LDB2: variants seen among roughly 807,000 people sequenced by gnomAD.
The protein encoded by LDB2 is LIM domain-binding protein 2.
In LDB2, 12 loss-of-function variants were observed where a neutral mutation model predicts 44.3. The ratio of observed to expected loss-of-function variants is 0.27; its 90% CI spans 0.17 to 0.44. The LOEUF (loss-of-function observed/expected upper bound fraction) is 0.44. LDB2 is among the 20% of genes least tolerant of loss of function. LDB2 has a pLI of 1.00. For synonymous variants in LDB2, 164 were observed against 174.8 expected (o/e 0.94, Z 0.49); for missense variants, 344 against 473.5 (o/e 0.73, Z 2.54).
chr4:16,750,249 C>T (rs2109098711), intron 2 of LDB2, among the ~76,000 whole-genome samples: 1 of 152,352 alleles, frequency 6.6e-6, no homozygotes, highest in East Asian at 1.9e-4. Flanking sequence ...TTTGCTTGCA[C>T]TACTCTTACA....
At chr4:16,667,213 C>T (rs1743505708) in intron 2 of LDB2, among the ~76,000 whole-genome samples, 1 of 152,146 alleles carries the variant, frequency 6.6e-6, no homozygotes. Context: ...GAACTAGTAT[C>T]TTCCAGAACC....
At chr4:16,565,566 A>G (rs1368738133) in intron 5 of LDB2, among the ~76,000 whole-genome samples, 4 of 152,084 alleles carry the variant, frequency 2.6e-5, no homozygotes, top group Admixed American at 2.0e-4. Context: ...CATTCCTATT[A>G]AAGTCAGACA....
At position 16,690,503 on chromosome 4, in the gene LDB2, GA is replaced by G. The variant is rs1337470327; in HGVS notation, c.235+68654del. 5.9e-3 allele frequency among the ~76,000 whole-genome samples: 83 copies of G among 14,158 alleles called. 2 individuals carry two copies. Among genetic ancestry groups the G allele is most frequent in the Non-Finnish European group, 0.013 (54 of 4,238 alleles). The allele number at this position is 14,158 out of a possible 152,430, so 9.3% of individuals were successfully genotyped here. A position where few individuals can be genotyped will look rare whatever the true frequency, so the allele number is the denominator to read the frequency against. ...GAAGGGAGGGAGGGAGGGAGGGAGG[GA>G]GGGAGGGAGGGAGGGGGGAGGGAGG... is the stretch of plus-strand genomic sequence containing the variant. On this transcript the variant is annotated intron_variant, in intron 2 of 7. Transcript: ENST00000304523.
chr4:16,588,926 G>C, intron 3 of LDB2, 94 bp from the exon 4 acceptor site: 1 of 1,363,608 alleles, frequency 7.3e-7, no homozygotes, highest in Non-Finnish European at 1.0e-6. Flanking sequence ...CTCCCTTTCT[G>C]TCCTTGGGCA....
intron 1 of LDB2, among the ~76,000 whole-genome samples, chr4:16,816,728 T>C (rs756902928): frequency 3.9e-4 from 60 of 152,290 alleles, no homozygotes; most frequent in Admixed American, 5.9e-4. Context: ...TTATTTTCTC[T>C]GACAACAGCT....
At chr4:16,809,489 T>G (rs1779391323) in intron 1 of LDB2, among the ~76,000 whole-genome samples, 1 of 152,192 alleles carries the variant, frequency 6.6e-6, no homozygotes, top group African/African-American at 2.4e-5. Flanking sequence ...GCACAATTAC[T>G]ATACACTAAG....
intron 1 of LDB2, among the ~76,000 whole-genome samples, chr4:16,823,225 A>G (rs943533341): frequency 6.6e-6 from 1 of 152,230 alleles, no homozygotes; most frequent in African/African-American, 2.4e-5. Context: ...CTCATTTTAC[A>G]GATCAGAGTA....
At chr4:16,511,000 GA>G in intron 6 of LDB2, among the ~76,000 whole-genome samples, 1 of 152,170 alleles carries the variant, frequency 6.6e-6, no homozygotes, top group African/African-American at 2.4e-5. Flanking sequence ...TAATATATTT[GA>G]AAAATAATAT....
At chr4:16,747,659 C>A (rs1764665630) in intron 2 of LDB2, among the ~76,000 whole-genome samples, 2 of 152,134 alleles carry the variant, frequency 1.3e-5, no homozygotes, top group Admixed American at 6.6e-5. Context: ...CATCTCTCAG[C>A]TAGCTAACTT....
At chr4:16,549,936 G>GCAAGT (rs1317675152) in intron 5 of LDB2, among the ~76,000 whole-genome samples, 7 of 152,198 alleles carry the variant, frequency 4.6e-5, no homozygotes, top group African/African-American at 7.2e-5. Flanking sequence ...CAAGTGGTGT[G>GCAAGT]CAAGTCACCT....
rs188044071 is a variant in LDB2, at chr4:16,865,911, G to T, written c.132+32443C>A. Among the ~76,000 whole-genome samples, 147 of 152,136 alleles carry T rather than the reference G, an allele frequency of 9.7e-4. 2 individuals are homozygous for T. Among genetic ancestry groups the T allele is most frequent in the Non-Finnish European group, 1.5e-3 (100 of 68,004 alleles). ...AATATTCTTCCCCAAACCTTCACAGGGTTCCTGCCTCAGCTTCCTGCACGC... is the reference window on the plus strand; with the variant it reads ...AATATTCTTCCCCAAACCTTCACAGTGTTCCTGCCTCAGCTTCCTGCACGC... On this transcript the variant is annotated intron_variant, in intron 1 of 7. Coordinates refer to ENST00000304523, the MANE Select transcript of LDB2 (RefSeq NM_001290.5).
At chr4:16,610,246 A>C (rs1335683501) in intron 2 of LDB2, among the ~76,000 whole-genome samples, 1 of 152,086 alleles carries the variant, frequency 6.6e-6, no homozygotes, top group East Asian at 1.9e-4. Flanking sequence ...CAAACTCACC[A>C]AGATGAGAAA....
chr4:16,840,678 G>A (rs774577173), intron 1 of LDB2, among the ~76,000 whole-genome samples: 9 of 152,164 alleles, frequency 5.9e-5, no homozygotes, highest in Middle Eastern at 3.2e-3. Flanking sequence ...GACCTTGGAC[G>A]ACTTATTTTG....
rs368488633 is a variant in LDB2, at chr4:16,674,789, A to G, written c.236-78914T>C. On this transcript the variant is annotated intron_variant, in intron 2 of 7. Transcript: ENST00000304523. ...AAAGAAAGAAAAATCTACCGAAAGC[A>G]CACACACACACACACACATATACAC... 8.9e-3 allele frequency among the ~76,000 whole-genome samples: 282 copies of G among 31,612 alleles called. 2 individuals are homozygous for G. The highest frequency in any genetic ancestry group is 0.03 in the African/African-American group (267 of 9,002). 20.7% of individuals were successfully genotyped at this position (31,612 alleles called of 152,430 possible). A position where few individuals can be genotyped will look rare whatever the true frequency, so the allele number is the denominator to read the frequency against.
chr4:16,662,151 G>T (rs2152541690), intron 2 of LDB2, among the ~76,000 whole-genome samples: 1 of 152,246 alleles, frequency 6.6e-6, no homozygotes, highest in Middle Eastern at 3.4e-3. Context: ...CCTTTGAATA[G>T]CTTGGTTTCT....
intron 6 of LDB2, among the ~76,000 whole-genome samples, chr4:16,510,145 CA>C (rs1286262139): frequency 6.6e-6 from 1 of 151,898 alleles, no homozygotes; most frequent in Admixed American, 6.6e-5. Context: ...AAAATCACAC[CA>C]AAAAAACACC....
At chr4:16,591,629 A>G (rs1426705887) in intron 3 of LDB2, among the ~76,000 whole-genome samples, 3 of 152,012 alleles carry the variant, frequency 2.0e-5, no homozygotes, top group Non-Finnish European at 4.4e-5. Context: ...CTAGACAGCC[A>G]CTCCACACCC....
chr4:16,847,648 C>T (rs956439546), intron 1 of LDB2, among the ~76,000 whole-genome samples: 2 of 151,740 alleles, frequency 1.3e-5, no homozygotes, highest in African/African-American at 2.4e-5. Context: ...GACGGAGTCT[C>T]GCTCTGTCGC....
chr4:16,623,989 T>C (rs1219700677), intron 2 of LDB2, among the ~76,000 whole-genome samples: 2 of 152,188 alleles, frequency 1.3e-5, no homozygotes, highest in African/African-American at 4.8e-5. Flanking sequence ...CGCAACAGCC[T>C]CTCCTTGCCA....
Sources: allele counts gnomAD v4.1 joint callset (sites outside exome capture counted in the v4.1 genomes callset), GRCh38; gene constraint gnomAD v4.1.1; transcripts MANE v1.5; gene names NCBI Gene and HGNC (gene_info 2026-07-23, HGNC 2026-07-21).